CEP85: variants seen among roughly 807,000 people sequenced by gnomAD.
The protein encoded by CEP85 is centrosomal protein of 85 kDa.
CEP85 carries 58 observed loss-of-function variants against 93.7 expected under a neutral mutation model. The observed-to-expected ratio is 0.62, with a 90% CI of 0.50 to 0.77. The LOEUF (loss-of-function observed/expected upper bound fraction) is 0.77, where lower values mean the gene tolerates loss of function less well. CEP85 is among the 30% of genes least tolerant of loss of function. CEP85 has a pLI of 0.00. For synonymous variants in CEP85, 314 were observed against 338.6 expected, an observed-to-expected ratio of 0.93 and a Z score of 0.80; for missense variants, 868 against 922.0, an observed-to-expected ratio of 0.94 and a Z score of 0.76.
At position 26,255,851 on chromosome 1, in the gene CEP85, A is replaced by G. The variant is rs763404526; in HGVS notation, c.889A>G (p.Met297Val). 2 of 1,608,364 alleles carry G rather than the reference A, an allele frequency of 1.2e-6. No homozygotes were observed. The highest frequency in any genetic ancestry group is 1.1e-5 in the South Asian group (1 of 90,708). ...GCAGCTGGAATTGATTCGTTTACAG[A>G]TGGAGCAAATGCAGGTAGAGGTCTA... ...RQQLELIRLQ[M>V]EQMQLQNGAI... The change falls in exon 4 of 14, where the codon ATG becomes GTG. Residue 297 changes from methionine to valine, a missense_variant. Coordinates refer to ENST00000451429, the MANE Select transcript of CEP85 (RefSeq NM_001319944.2).
chr1:26,258,642 G>A (rs1028680599), intron 6 of CEP85, among the ~76,000 whole-genome samples: 3 of 151,842 alleles, frequency 2.0e-5, no homozygotes, highest in Non-Finnish European at 4.4e-5. Context: ...TGTCACCCAG[G>A]CTGGAGTGCA....
rs182199283 is a variant in CEP85, at chr1:26,257,098, T to G, written c.904-499T>G. Among the ~76,000 whole-genome samples the G allele has an allele frequency of 3.7e-3, 559 of 152,162 alleles. 2 individuals are homozygous for G. The highest frequency in any genetic ancestry group is 0.014 in the Middle Eastern group (4 of 294). ...GGCGCATGCCACCACGCCTGGCTAA[T>G]TTTTTGTATTTTTTATTAGAGACGG... On this transcript the variant is annotated intron_variant, in intron 4 of 13. Coordinates refer to ENST00000451429, the MANE Select transcript of CEP85 (RefSeq NM_001319944.2).
chr1:26,271,856 AG>A, intron 10 of CEP85, 164 bp from the exon 11 acceptor site: 1 of 637,976 alleles, frequency 1.6e-6, no homozygotes, highest in Non-Finnish European at 2.9e-6. Flanking sequence ...AGCCAGGATT[AG>A]GAGTCTGGTT....
At chr1:26,244,060 G>A (rs984512259) in intron 2 of CEP85, 106 bp from the exon 3 acceptor site, 1 of 954,390 alleles carries the variant, frequency 1.0e-6, no homozygotes, top group Non-Finnish European at 1.5e-6. Context: ...AGAGAAAGGG[G>A]TGGGTTGCTG....
chr1:26,259,029 A>ATG (rs2089766096), intron 6 of CEP85, among the ~76,000 whole-genome samples: 1 of 152,152 alleles, frequency 6.6e-6, no homozygotes, highest in Non-Finnish European at 1.5e-5. Flanking sequence ...TGGGCATTTG[A>ATG]ATGTTGGATA....
intron 3 of CEP85, among the ~76,000 whole-genome samples, chr1:26,248,851 C>CA (rs2089555509): frequency 6.7e-6 from 1 of 148,230 alleles, no homozygotes; most frequent in Non-Finnish European, 1.5e-5. Flanking sequence ...CTCAGCCTCC[C>CA]AAGTAGCTGG....
chr1:26,273,924 AT>A (rs2090015543), intron 11 of CEP85, among the ~76,000 whole-genome samples: 1 of 143,004 alleles, frequency 7.0e-6, no homozygotes, highest in African/African-American at 2.6e-5. Flanking sequence ...AAATAAATAA[AT>A]AAATAAAATA....
intron 7 of CEP85, among the ~76,000 whole-genome samples, chr1:26,264,160 T>G (rs1053568473): frequency 6.6e-6 from 1 of 152,242 alleles, no homozygotes; most frequent in African/African-American, 2.4e-5. Flanking sequence ...TCTTGTTTTC[T>G]TAAGGTCCTT....
At chr1:26,246,017 G>T (rs774245190) in intron 3 of CEP85, among the ~76,000 whole-genome samples, 1 of 152,016 alleles carries the variant, frequency 6.6e-6, no homozygotes, top group Non-Finnish European at 1.5e-5. Context: ...TGTTACACAG[G>T]TTGCGTGTGT....
In CEP85 at chr1:26,244,160, TTTCAGGTTCCGATGTGA is replaced by T; in HGVS notation, c.56_72del (p.Ser19LysfsTer8). 1 of 1,611,742 alleles carries T rather than the reference TTTCAGGTTCCGATGTGA, an allele frequency of 6.2e-7. No homozygotes were observed. ...CAGTAAAGGTGGGAAATGCCTCTTG[TTTCAGGTTCCGATGTGA>T]TTCAGAAGGGCAGTTCCCTGGGGAC... On this transcript the variant is annotated splice_acceptor_variant and splice_polypyrimidine_tract_variant and coding_sequence_variant and intron_variant, in exon 3 of 14. Transcript: ENST00000451429. LOFTEE classifies it high-confidence loss of function.
In CEP85 at chr1:26,255,751, CT is replaced by C; in HGVS notation, c.790del (p.Ser264LeufsTer29). The stretch of plus-strand genomic sequence containing the variant: ...CTCCCGGGCTCTCCAAGCCTCTGCC[CT>C]CTCAGGTGTGGCAGCCGAGTCCTGA... The part of the protein sequence containing the change: ...PAPGLSKPLP[S>X]QVWQPSPDTW... On this transcript the variant is annotated frameshift_variant, in exon 4 of 14. Transcript: ENST00000451429. LOFTEE classifies it high-confidence loss of function. The C allele has an allele frequency of 6.2e-7, 1 of 1,614,178 alleles. No homozygotes were observed. Among genetic ancestry groups the C allele is most frequent in the East Asian group, 2.2e-5 (1 of 44,890 alleles).
chr1:26,269,944 G>A (rs1038318684), intron 9 of CEP85, among the ~76,000 whole-genome samples: 1 of 151,900 alleles, frequency 6.6e-6, no homozygotes. Context: ...CCGCCACTGC[G>A]CCTGGCTAAT....
intron 1 of CEP85, among the ~76,000 whole-genome samples, chr1:26,234,792 ATTAAGGT>A (rs2089298660): frequency 6.6e-6 from 1 of 152,156 alleles, no homozygotes; most frequent in Non-Finnish European, 1.5e-5. Context: ...TGTGTAGAGA[ATTAAGGT>A]TGTGGGACGG....
At chr1:26,238,797 T>C (rs564110886) in intron 1 of CEP85, among the ~76,000 whole-genome samples, 1 of 152,348 alleles carries the variant, frequency 6.6e-6, no homozygotes, top group African/African-American at 2.4e-5. Flanking sequence ...AGTGTATTTG[T>C]TTAGACTTCA....
At chr1:26,250,932 CTTTTTTTTT>C (rs869156420) in intron 3 of CEP85, among the ~76,000 whole-genome samples, 20 of 17,506 alleles carry the variant, frequency 1.1e-3, no homozygotes, top group Admixed American at 1.9e-3. Context: ...TTTCTTTTTT[CTTTTTTTTT>C]TTTTTTTTTT....
Position 26,271,531 on chromosome 1 carries a change from T to TA in CEP85, c.1743+434dup, listed in dbSNP as rs559711203. On this transcript the variant is annotated intron_variant, in intron 10 of 13. Coordinates refer to ENST00000451429, the MANE Select transcript of CEP85 (RefSeq NM_001319944.2). Reference sequence around the variant, plus strand: ...GCTGGTGAAACTGACTGCAGGTTAGTAAAAAAAAAAGAAGACCCATAAATG... The same window carrying TA: ...GCTGGTGAAACTGACTGCAGGTTAGTAAAAAAAAAAAGAAGACCCATAAATG... 6.0e-3 allele frequency: 981 copies of TA among 162,342 alleles called. 11 individuals carry two copies. In the South Asian group the frequency reaches 0.063, roughly 10 times the overall value. 10.1% of individuals were successfully genotyped at this position (162,342 alleles called of 1,614,324 possible). A position where few individuals can be genotyped will look rare whatever the true frequency, so the allele number is the denominator to read the frequency against.
In CEP85 at chr1:26,272,266, A is replaced by G. The variant is rs570434819; in HGVS notation, c.1794+195A>G. Reference sequence around the variant, plus strand: ...TAGGGAGTTTCAGCACAGTACTGTGAGAGCAGTCCCCACAGTATCCTGGGG... The same window carrying G: ...TAGGGAGTTTCAGCACAGTACTGTGGGAGCAGTCCCCACAGTATCCTGGGG... On this transcript the variant is annotated intron_variant, in intron 11 of 13. Transcript: ENST00000451429. 29 of 604,054 alleles carry G rather than the reference A, an allele frequency of 4.8e-5. No individual in the cohort carries two copies. The South Asian group carries it at 5.7e-4, about 12-fold the overall frequency. The allele number at this position is 604,054 out of a possible 1,614,324, so 37.4% of individuals were successfully genotyped here. A position where few individuals can be genotyped will look rare whatever the true frequency, so the allele number is the denominator to read the frequency against.
At chr1:26,276,839 T>A in intron 13 of CEP85, 79 bp downstream of exon 13, 1 of 1,155,524 alleles carries the variant, frequency 8.7e-7, no homozygotes, top group Non-Finnish European at 1.3e-6. Flanking sequence ...TTTCCCATAT[T>A]CTTGTGGTAA....
intron 6 of CEP85, 62 bp from the exon 7 acceptor site, chr1:26,259,555 A>G (rs931102832): frequency 7.1e-7 from 1 of 1,407,056 alleles, no homozygotes; most frequent in African/African-American, 1.4e-5. Flanking sequence ...TGCTGGGAAT[A>G]AGTAAAGTAC....
Sources: gnomAD v4.1 joint callset for allele counts (sites outside exome capture counted in the v4.1 genomes callset) on GRCh38, gnomAD v4.1.1 for gene constraint, MANE v1.5 for transcripts, NCBI Gene and HGNC (gene_info 2026-07-23, HGNC 2026-07-21) for gene names.